C1orf87: variants seen among roughly 807,000 people sequenced by gnomAD.
The protein encoded by C1orf87 is uncharacterized protein C1orf87.
In C1orf87, 58 loss-of-function variants were observed where a neutral mutation model predicts 60.5. The observed-to-expected ratio is 0.96, with a 90% CI of 0.78 to 1.19. The LOEUF is 1.19. Among genes scored for constraint, C1orf87 ranks in the 50% most tolerant of loss-of-function variants. The pLI is 0.00. For missense variants in C1orf87, 673 were observed against 638.6 expected (o/e 1.05, Z -0.58); for synonymous variants, 236 against 227.4 (o/e 1.04, Z -0.34).
chr1:60,062,149 C>G (rs1235926430), intron 2 of C1orf87, among the ~76,000 whole-genome samples: 2 of 152,174 alleles, frequency 1.3e-5, no homozygotes, highest in Admixed American at 6.5e-5. Context: ...CTCCTCTCCT[C>G]TCTTCAGACC....
intron 5 of C1orf87, among the ~76,000 whole-genome samples, chr1:60,038,325 T>C (rs1226262123): frequency 1.3e-5 from 2 of 152,136 alleles, no homozygotes; most frequent in African/African-American, 4.8e-5. Flanking sequence ...GTCTTCTGGT[T>C]GGGTAAGGCC....
intron 2 of C1orf87, among the ~76,000 whole-genome samples, chr1:60,070,092 C>T (rs1410367747): frequency 1.3e-5 from 2 of 152,172 alleles, no homozygotes; most frequent in South Asian, 2.1e-4. Flanking sequence ...TGACTTCAGA[C>T]CTCTGGCCTC....
rs1644917776 is a variant in C1orf87, at chr1:59,990,942, C to T, written c.1481-109G>A. The T allele has an allele frequency of 3.6e-6, 4 of 1,112,722 alleles. No homozygotes were observed. In the Admixed American group the frequency reaches 9.8e-5, roughly 27 times the overall value. The allele number at this position is 1,112,722 out of a possible 1,614,324, so 68.9% of individuals were successfully genotyped here. Reference sequence around the variant, plus strand: ...TCCAGGTAAAGACTAAATGCTAATACTTTGCAATTTTAAGCTTCTTAAAAA... The same window carrying T: ...TCCAGGTAAAGACTAAATGCTAATATTTTGCAATTTTAAGCTTCTTAAAAA... On this transcript the variant is annotated intron_variant, in intron 11 of 11. Transcript: ENST00000371201.
At chr1:60,023,188 G>A (rs974065159) in intron 8 of C1orf87, among the ~76,000 whole-genome samples, 1 of 152,000 alleles carries the variant, frequency 6.6e-6, no homozygotes, top group Non-Finnish European at 1.5e-5. Flanking sequence ...CAAATTTCTT[G>A]TGTCTGAAGT....
intron 8 of C1orf87, among the ~76,000 whole-genome samples, chr1:60,019,797 TGA>T (rs1435228652): frequency 6.6e-6 from 1 of 152,112 alleles, no homozygotes; most frequent in East Asian, 1.9e-4. Context: ...ACTTTGAACT[TGA>T]GAGAGATGAT....
chr1:60,021,836 G>A (rs1314160685), intron 8 of C1orf87, among the ~76,000 whole-genome samples: 1 of 152,190 alleles, frequency 6.6e-6, no homozygotes, highest in African/African-American at 2.4e-5. Context: ...ACAAAGGATG[G>A]GGACCACAGC....
chr1:59,997,963 G>A, intron 10 of C1orf87, 147 bp from the exon 11 acceptor site: 1 of 728,882 alleles, frequency 1.4e-6, no homozygotes, highest in Non-Finnish European at 2.2e-6. Flanking sequence ...AATCTTCAGT[G>A]CCATAAGATC....
chr1:59,999,201 A>G (rs1466457430), intron 10 of C1orf87, among the ~76,000 whole-genome samples: 1 of 152,158 alleles, frequency 6.6e-6, no homozygotes, highest in Non-Finnish European at 1.5e-5. Flanking sequence ...TGGGGAATGT[A>G]AAGAATTCTT....
At chr1:60,029,905 C>T (rs1645225146) in intron 7 of C1orf87, among the ~76,000 whole-genome samples, 1 of 152,044 alleles carries the variant, frequency 6.6e-6, no homozygotes, top group Non-Finnish European at 1.5e-5. Context: ...TCCCAACGTG[C>T]TGGGATTACA....
At chr1:60,008,599 G>C in intron 9 of C1orf87, 1 of 409,022 alleles carries the variant, frequency 2.4e-6, no homozygotes, top group Non-Finnish European at 4.9e-6. Context: ...AGACACCAGG[G>C]ATGCACACAC....
chr1:59,997,935 C>G, intron 10 of C1orf87, 119 bp from the exon 11 acceptor site: 1 of 945,866 alleles, frequency 1.1e-6, no homozygotes, highest in Non-Finnish European at 1.6e-6. Flanking sequence ...GTTTGGAAAG[C>G]TAAGAGGATG....
intron 2 of C1orf87, among the ~76,000 whole-genome samples, chr1:60,066,553 C>A (rs1310121731): frequency 6.6e-6 from 1 of 152,142 alleles, no homozygotes. Context: ...ATTATTTTCA[C>A]CACACCTGCA....
intron 3 of C1orf87, among the ~76,000 whole-genome samples, chr1:60,047,427 G>C (rs1034633935): frequency 6.6e-6 from 1 of 152,114 alleles, no homozygotes; most frequent in Non-Finnish European, 1.5e-5. Flanking sequence ...TAGATCCTGA[G>C]TCTTTTTTGA....
chr1:59,999,892 T>C (rs1368260395), intron 10 of C1orf87, among the ~76,000 whole-genome samples: 6 of 152,174 alleles, frequency 3.9e-5, no homozygotes, highest in African/African-American at 1.4e-4. Flanking sequence ...GGGTTCTTAC[T>C]CATTCTTCAA....
At chr1:60,055,830 G>A (rs1221504898) in intron 2 of C1orf87, among the ~76,000 whole-genome samples, 1 of 151,872 alleles carries the variant, frequency 6.6e-6, no homozygotes, top group Non-Finnish European at 1.5e-5. Context: ...TCTGCTCTAT[G>A]CCTCTCCCCT....
chr1:60,039,936 T>C lies in C1orf87; in HGVS notation c.728A>G (p.Lys243Arg). 3.1e-6 allele frequency: 5 copies of C among 1,613,794 alleles called. No homozygotes were observed. Among genetic ancestry groups the C allele is most frequent in the Non-Finnish European group, 3.4e-6 (4 of 1,179,922 alleles). The change falls in exon 5 of 12, where the codon AAG becomes AGG. Residue 243 changes from lysine (K) to arginine (R), a missense_variant. Lys to Arg is a conservative substitution (Grantham distance 26). Coordinates refer to ENST00000371201, the MANE Select transcript of C1orf87 (RefSeq NM_152377.3). Reference protein sequence around the residue: ...TVKILCQRFSKRGSPEMVNYE... With the variant: ...TVKILCQRFSRRGSPEMVNYE... ...CCATACCATTTCAGGAGAACCCCTCTTAGAAAATCTCTGACAAAGGATTTT... is the reference window on the plus strand; with the variant it reads ...CCATACCATTTCAGGAGAACCCCTCCTAGAAAATCTCTGACAAAGGATTTT...
chr1:60,038,083 A>T lies in C1orf87; in HGVS notation c.772T>A (p.Phe258Ile), dbSNP rs2100293184. 6.4e-7 allele frequency: 1 copy of T among 1,573,486 alleles called. No homozygotes were observed. Among genetic ancestry groups the T allele is most frequent in the Admixed American group, 1.7e-5 (1 of 59,446 alleles). The change falls in exon 6 of 12, where the codon TTT becomes ATT. Residue 258 changes from phenylalanine (F) to isoleucine (I), a missense_variant. By Grantham distance (21) the Phe-to-Ile change is conservative. Coordinates refer to ENST00000371201, the MANE Select transcript of C1orf87 (RefSeq NM_152377.3). Reference protein sequence around the residue: ...EMVNYEKLLWFLNSAASDYPQ... With the variant: ...EMVNYEKLLWILNSAASDYPQ... The stretch of plus-strand genomic sequence containing the variant: ...TAATCTGATGCTGCACTGTTTAAAA[A>T]CCAGAGTAGCTTTTCATAATTCACC...
chr1:60,037,699 A>G (rs1645287658), intron 6 of C1orf87, among the ~76,000 whole-genome samples: 1 of 152,200 alleles, frequency 6.6e-6, no homozygotes, highest in African/African-American at 2.4e-5. Context: ...GAACTTTGGG[A>G]AACACATTCA....
At chr1:60,051,549 C>G (rs1448900150) in intron 3 of C1orf87, among the ~76,000 whole-genome samples, 3 of 152,062 alleles carry the variant, frequency 2.0e-5, no homozygotes, top group African/African-American at 7.2e-5. Flanking sequence ...CAAGCCCAGC[C>G]CAACCCAATT....
Sources: allele counts gnomAD v4.1 joint callset (sites outside exome capture counted in the v4.1 genomes callset), GRCh38; gene constraint gnomAD v4.1.1; transcripts MANE v1.5; gene names NCBI Gene and HGNC (gene_info 2026-07-23, HGNC 2026-07-21).